The following SGCD variants were observed in gnomAD, a reference collection of about 807,000 sequenced individuals.
SGCD encodes the protein delta-sarcoglycan.
Under a neutral mutation model 36.6 loss-of-function variants are expected in SGCD, and 18 were observed. The observed-to-expected ratio is 0.49, with a 90% CI of 0.34 to 0.73. SGCD has a LOEUF of 0.73. Among genes scored for constraint, SGCD ranks in the 30% least tolerant of loss-of-function variants. SGCD has a pLI of 0.01. For synonymous variants in SGCD, 133 were observed against 130.6 expected, an observed-to-expected ratio of 1.02 and a Z score of -0.12; for missense variants, 387 against 346.7, an observed-to-expected ratio of 1.12 and a Z score of -0.92.
chr5:155,833,520 A>G, the SGCD span, among the ~76,000 whole-genome samples: 1,692 of 152,330 alleles, frequency 0.011, 17 homozygotes, highest in Middle Eastern at 0.054. Flanking sequence ...AGATGAAGAC[A>G]TCAAAAGAAT....
chr5:156,320,270 T>A (rs553428174), intron 3 of SGCD, among the ~76,000 whole-genome samples: 33 of 152,294 alleles, frequency 2.2e-4, no homozygotes, highest in African/African-American at 7.5e-4. Context: ...AGCACTGATA[T>A]GATTGCAAAA....
intron 7 of SGCD, among the ~76,000 whole-genome samples, chr5:156,658,676 T>C (rs1211144346): frequency 1.5e-5 from 1 of 67,522 alleles, no homozygotes; most frequent in Non-Finnish European, 2.7e-5. Flanking sequence ...TCCCCACATT[T>C]CCCCCTTTTC....
At chr5:156,222,951 G>C (rs1207331699) in intron 3 of SGCD, among the ~76,000 whole-genome samples, 1 of 152,000 alleles carries the variant, frequency 6.6e-6, no homozygotes, top group Non-Finnish European at 1.5e-5. Context: ...CTCCCACCTT[G>C]GTGATTCTTA....
intron 1 of SGCD, among the ~76,000 whole-genome samples, chr5:156,073,846 A>G (rs1032349576): frequency 2.6e-5 from 4 of 152,202 alleles, no homozygotes; most frequent in African/African-American, 9.6e-5. Context: ...CCATATGTTC[A>G]GTTGAAAGAG....
chr5:156,608,830 G>A (rs1265408965), intron 6 of SGCD, among the ~76,000 whole-genome samples: 4 of 151,794 alleles, frequency 2.6e-5, no homozygotes, highest in African/African-American at 9.7e-5. Flanking sequence ...ATCTTTGTTG[G>A]TTTAAAGTCT....
At position 155,903,365 on chromosome 5, in the gene SGCD, G is replaced by T. The variant is rs141835111; in HGVS notation, c.-282+32941G>T. Among the ~76,000 whole-genome samples the T allele has an allele frequency of 1.7e-3, 263 of 152,298 alleles. 2 individuals carry two copies. The highest frequency in any genetic ancestry group is 6.0e-3 in the African/African-American group (250 of 41,572). ...ATTATAGCTGCTCTCATGGGGCAGA[G>T]ATTTTTTTGTTGTTGTTGCTGCTGT... On this transcript the variant is annotated intron_variant, in intron 1 of 9. Transcript: ENST00000517913.
At chr5:155,946,121 T>C (rs1757431940) in intron 1 of SGCD, among the ~76,000 whole-genome samples, 1 of 152,128 alleles carries the variant, frequency 6.6e-6, no homozygotes. Context: ...TGGTGGTCAC[T>C]GGGGTAAGAA....
At chr5:156,515,540 A>G (rs1442623614) in intron 4 of SGCD, among the ~76,000 whole-genome samples, 1 of 152,174 alleles carries the variant, frequency 6.6e-6, no homozygotes, top group Non-Finnish European at 1.5e-5. Flanking sequence ...CCCACCTGGG[A>G]GCAGCACAGG....
At chr5:155,931,330 T>C (rs995037929) in intron 1 of SGCD, among the ~76,000 whole-genome samples, 1 of 152,204 alleles carries the variant, frequency 6.6e-6, no homozygotes, top group South Asian at 2.1e-4. Flanking sequence ...GAAGTAAGTA[T>C]TTTATTCAAA....
At chr5:156,470,079 C>G (rs2127826489) in intron 3 of SGCD, among the ~76,000 whole-genome samples, 2 of 152,310 alleles carry the variant, frequency 1.3e-5, no homozygotes, top group Middle Eastern at 3.4e-3. Context: ...GGCTAGGTTG[C>G]TAAGGGCCTT....
At chr5:156,209,402 G>A (rs1764377226) in intron 3 of SGCD, among the ~76,000 whole-genome samples, 1 of 152,176 alleles carries the variant, frequency 6.6e-6, no homozygotes, top group African/African-American at 2.4e-5. Context: ...CAGCCTCTGA[G>A]GCACCAGGAT....
chr5:156,127,310 C>T (rs32337), intron 3 of SGCD, among the ~76,000 whole-genome samples: 82,770 of 151,920 alleles, frequency 0.54, 23,837 homozygotes, highest in African/African-American at 0.75. Context: ...AATGAGTCCA[C>T]AAAATAGAGT....
intron 1 of SGCD, among the ~76,000 whole-genome samples, chr5:155,941,603 T>C (rs769622864): frequency 3.4e-4 from 52 of 151,560 alleles, no homozygotes; most frequent in Non-Finnish European, 5.6e-4. Flanking sequence ...TATAATTACA[T>C]TGCCATTCAT....
the SGCD span, among the ~76,000 whole-genome samples, chr5:155,738,090 C>A: frequency 1.3e-5 from 2 of 152,140 alleles, no homozygotes; most frequent in Non-Finnish European, 2.9e-5. Flanking sequence ...CTTCCTCAAC[C>A]CAGAGGGCAT....
At chr5:156,269,060 G>C (rs1368094201) in intron 3 of SGCD, among the ~76,000 whole-genome samples, 1 of 152,104 alleles carries the variant, frequency 6.6e-6, no homozygotes, top group Non-Finnish European at 1.5e-5. Context: ...TGGATTTACA[G>C]TTCCACATGG....
the SGCD span, among the ~76,000 whole-genome samples, chr5:155,835,657 TA>T: frequency 2.0e-5 from 3 of 152,240 alleles, no homozygotes; most frequent in African/African-American, 7.2e-5. Flanking sequence ...TCTAGTCTTT[TA>T]GCAAAAGTAT....
chr5:155,983,143 T>G (rs544737191), intron 1 of SGCD, among the ~76,000 whole-genome samples: 1 of 152,330 alleles, frequency 6.6e-6, no homozygotes, highest in Non-Finnish European at 1.5e-5. Context: ...ATAATAGCAA[T>G]GATTATAATA....
chr5:156,377,158 T>C (rs1770717504), intron 3 of SGCD, among the ~76,000 whole-genome samples: 1 of 152,228 alleles, frequency 6.6e-6, no homozygotes, highest in Non-Finnish European at 1.5e-5. Flanking sequence ...ACTTACTATT[T>C]AATTAAACTT....
Position 156,555,911 on chromosome 5 carries a change from AT to A in SGCD, c.295-33319del, listed in dbSNP as rs148037238. Among the ~76,000 whole-genome samples the A allele has an allele frequency of 4.7e-3, 717 of 152,094 alleles. 12 individuals carry two copies. The highest frequency in any genetic ancestry group is 0.016 in the African/African-American group (673 of 41,518). On this transcript the variant is annotated intron_variant, in intron 4 of 8. Transcript: ENST00000337851. ...CAAGTCTTTTACTTTTTTGTTAAAC[AT>A]ATTTCTAAGTATTTTTTGGTGCTAT...
Sources: gnomAD v4.1 joint callset for allele counts (sites outside exome capture counted in the v4.1 genomes callset) on GRCh38, gnomAD v4.1.1 for gene constraint, MANE v1.5 for transcripts, NCBI Gene and HGNC (gene_info 2026-07-23, HGNC 2026-07-21) for gene names.